PWWP3A: variants seen among roughly 807,000 people sequenced by gnomAD.
PWWP3A encodes the protein PWWP domain containing 3A, DNA repair factor.
In PWWP3A, 53 loss-of-function variants were observed where a neutral mutation model predicts 79.0. The observed-to-expected ratio is 0.67, with a 90% confidence interval of 0.54 to 0.84. PWWP3A has a LOEUF of 0.84. Ranked by LOEUF, PWWP3A falls within the 40% of genes least tolerant of loss-of-function variation. PWWP3A has a pLI of 0.00. For missense variants in PWWP3A, 973 were observed against 948.0 expected, an observed-to-expected ratio of 1.03 and a Z score of -0.35; for synonymous variants, 443 against 394.4, an observed-to-expected ratio of 1.12 and a Z score of -1.46.
chr19:1,366,006 C>T lies in PWWP3A; in HGVS notation c.1285-299C>T, dbSNP rs186470162. On this transcript the variant is annotated intron_variant, in intron 7 of 13. Coordinates refer to ENST00000591337, the MANE Select transcript of PWWP3A (RefSeq NM_001369789.1). The stretch of plus-strand genomic sequence containing the variant: ...GGAGGACAAACCTGCCCTGCTGAGC[C>T]GCTGGAGAATCTCAGGACGCTTATT... Among the ~76,000 whole-genome samples the T allele has an allele frequency of 1.7e-3, 255 of 152,360 alleles. 1 individual carries two copies. The highest frequency in any genetic ancestry group is 0.016 in the Admixed American group (241 of 15,314).
At position 1,369,229 on chromosome 19, in the gene PWWP3A, C is replaced by T. The variant is rs774411828; in HGVS notation, c.1423-36C>T. On this transcript the variant is annotated intron_variant, in intron 9 of 13. Coordinates refer to ENST00000591337, the MANE Select transcript of PWWP3A (RefSeq NM_001369789.1). This position sits in a 1 kb window ranked among gnomAD's most constrained non-coding sequence, Gnocchi z 4.0. Reference sequence around the variant, plus strand: ...CTGAACCCAGGGTGCTTGGCACTGCCTCCCACTGACGCCTGCTGCCCGGAT... The same window carrying T: ...CTGAACCCAGGGTGCTTGGCACTGCTTCCCACTGACGCCTGCTGCCCGGAT... 1.9e-6 allele frequency: 3 copies of T among 1,608,178 alleles called. No individual in the cohort carries two copies. Among genetic ancestry groups the T allele is most frequent in the African/African-American group, 1.3e-5 (1 of 74,934 alleles).
In PWWP3A at chr19:1,370,967, G is replaced by A. The variant is rs144465563; in HGVS notation, c.1875G>A (p.Leu625=). 484 of 1,561,164 alleles carry A rather than the reference G, an allele frequency of 3.1e-4. 1 individual carries two copies. In the African/African-American group the frequency reaches 6.2e-3, roughly 20 times the overall value. The change falls in exon 12 of 14, where the codon CTG becomes CTA. Residue 625 remains leucine, a synonymous_variant. Transcript: ENST00000591337. The part of the protein sequence containing the change: ...VETYLEDEGQ[L]DLVVKYLQGV... ...CCTACCTGGAGGATGAGGGGCAGCT[G>A]GACCTGGTGGTGAAGTACCTGCAGG...
chr19:1,373,343 C>T (rs972297523), intron 13 of PWWP3A, 183 bp downstream of exon 13: 2 of 603,538 alleles, frequency 3.3e-6, no homozygotes, highest in African/African-American at 3.7e-5. Flanking sequence ...TCCTGCCCCC[C>T]AGGAAGGCTG....
rs977340145 is a variant in PWWP3A at position 1,368,218 on chromosome 19, C to T, written c.1422+998C>T. Among the ~76,000 whole-genome samples, 1 of 152,092 alleles carries T rather than the reference C, an allele frequency of 6.6e-6. No individual in the cohort carries two copies. The highest frequency in any genetic ancestry group is 2.4e-5 in the African/African-American group (1 of 41,418). ...GATTACAGGTGTGAGCCACTGCGCC[C>T]GGCTGGAACTGAGTTACTTTCTAAA... is the stretch of plus-strand genomic sequence containing the variant. On this transcript the variant is annotated intron_variant, in intron 9 of 13. Coordinates refer to ENST00000591337, the MANE Select transcript of PWWP3A (RefSeq NM_001369789.1). This position sits in a 1 kb window ranked among gnomAD's most constrained non-coding sequence, Gnocchi z 4.7.
intron 7 of PWWP3A, among the ~76,000 whole-genome samples, chr19:1,365,652 C>T (rs1182599155): frequency 1.3e-5 from 2 of 152,250 alleles, no homozygotes; most frequent in Admixed American, 6.5e-5. Flanking sequence ...ACCCTCCGCC[C>T]TCCCTTGGCA....
chr19:1,355,229 T>G (rs1046555714), intron 1 of PWWP3A, 94 bp downstream of exon 1: 2 of 151,776 alleles, frequency 1.3e-5, no homozygotes, highest in African/African-American at 4.8e-5. Context: ...GCCTAGAGAC[T>G]CCTCCGGGAG....
rs1306271176 is a variant in PWWP3A, at chr19:1,376,611, C to G, written c.*35C>G. The G allele has an allele frequency of 1.2e-6, 2 of 1,609,960 alleles. No individual in the cohort carries two copies. Among genetic ancestry groups the G allele is most frequent in the East Asian group, 2.2e-5 (1 of 44,828 alleles). ...CGGCTGTGCTGTCAGCGGGGCCTGG[C>G]GGTGGAAGCGCCTCCAGTGTGCATG... On this transcript the variant is annotated 3_prime_UTR_variant, in exon 14 of 14. Coordinates refer to ENST00000591337, the MANE Select transcript of PWWP3A (RefSeq NM_001369789.1).
intron 7 of PWWP3A, among the ~76,000 whole-genome samples, chr19:1,365,203 T>A (rs1014410837): frequency 4.3e-4 from 66 of 152,206 alleles, no homozygotes; most frequent in African/African-American, 1.6e-3. Context: ...GCTCATTAAT[T>A]TGGATTTTGT....
At chr19:1,359,029 G>A (rs865880295) in intron 4 of PWWP3A, 59 of 295,376 alleles carry the variant, frequency 2.0e-4, no homozygotes, top group Non-Finnish European at 1.6e-4. Context: ...ATCCGGGTGC[G>A]CTTTCTCCCA....
At chr19:1,375,529 T>TTATTATATATACAA (rs1568965190) in intron 13 of PWWP3A, among the ~76,000 whole-genome samples, 24 of 113,470 alleles carry the variant, frequency 2.1e-4, no homozygotes, top group Non-Finnish European at 3.7e-4. Context: ...ATCATATAAT[T>TTATTATATATACAA]TATATATTTT....
intron 13 of PWWP3A, among the ~76,000 whole-genome samples, chr19:1,376,085 AGGCGT>A (rs1457059862): frequency 8.1e-5 from 12 of 147,780 alleles, no homozygotes; most frequent in Non-Finnish European, 1.2e-4. Context: ...CTGGGATTAC[AGGCGT>A]GAGCCAAAGT....
chr19:1,370,761 C>G lies in PWWP3A; in HGVS notation c.1669C>G (p.Arg557Gly). The change falls in exon 12 of 14, where the codon CGG becomes GGG. Residue 557 changes from arginine to glycine, a missense_variant. Transcript: ENST00000591337. ...GCPLGQRQPCRKMLPDRSRAA... is the reference protein window; with the variant it reads ...GCPLGQRQPCGKMLPDRSRAA... Reference sequence around the variant, plus strand: ...CCCCCTGGGGCAGAGGCAGCCCTGCCGGAAAATGCTCCCCGACCGCTCGCG... The same window carrying G: ...CCCCCTGGGGCAGAGGCAGCCCTGCGGGAAAATGCTCCCCGACCGCTCGCG... 6.6e-7 allele frequency: 1 copy of G among 1,508,616 alleles called. No individual in the cohort carries two copies. Among genetic ancestry groups the G allele is most frequent in the Non-Finnish European group, 8.9e-7 (1 of 1,124,100 alleles). 93.5% of individuals were successfully genotyped at this position (1,508,616 alleles called of 1,614,324 possible).
chr19:1,357,384 A>AAATAGGGAT (rs528899283), intron 3 of PWWP3A: 246 of 224,862 alleles, frequency 1.1e-3, no homozygotes, highest in African/African-American at 5.3e-3. Context: ...TTTGTGGTTA[A>AAATAGGGAT]AATAGGGATA....
chr19:1,358,363 G>C (rs775693105), intron 3 of PWWP3A, 31 bp from the exon 4 acceptor site: 33 of 1,588,086 alleles, frequency 2.1e-5, no homozygotes, highest in Non-Finnish European at 2.8e-5. Context: ...GCGTTGGCTG[G>C]TGGTGTGTAA....
At chr19:1,356,733 G>A (rs986941926) in intron 2 of PWWP3A, among the ~76,000 whole-genome samples, 7 of 151,904 alleles carry the variant, frequency 4.6e-5, no homozygotes, top group Non-Finnish European at 8.8e-5. Flanking sequence ...GCAGCCCTGT[G>A]ATAGTAAATT....
intron 1 of PWWP3A, 77 bp from the exon 2 acceptor site, chr19:1,356,247 T>A: frequency 4.2e-6 from 3 of 721,128 alleles, no homozygotes; most frequent in Non-Finnish European, 7.3e-6. Context: ...CGAGCTAACC[T>A]TTGCCCCTGA....
At chr19:1,365,823 C>T (rs2668416) in intron 7 of PWWP3A, among the ~76,000 whole-genome samples, 4,117 of 152,352 alleles carry the variant, frequency 0.027, 198 homozygotes, top group African/African-American at 0.094. Flanking sequence ...AGGCGCTGGT[C>T]GCCACTGCTC....
intron 5 of PWWP3A, chr19:1,361,972 T>A (rs1321774725): frequency 1.6e-5 from 5 of 321,436 alleles, no homozygotes; most frequent in Non-Finnish European, 1.8e-5. Flanking sequence ...TGCGCGCAGC[T>A]TCTGTGGCCG....
rs2081990342 is a variant in PWWP3A, at chr19:1,360,628, A to G, written c.707A>G (p.Glu236Gly). The change falls in exon 5 of 14, where the codon GAG (glutamate) becomes GGG (glycine). Residue 236 changes from glutamate to glycine, a missense_variant. Physicochemically the swap from Glu to Gly is moderately conservative, Grantham distance 98. Transcript: ENST00000591337. The surrounding 1 kb of genome is among the most constrained non-coding windows in gnomAD (Gnocchi z 4.4). ...TGCCTGAATGGATCTTCCCTTTCAGAGGACGACACGGAGAGAGACATGGGG... is the reference window on the plus strand; with the variant it reads ...TGCCTGAATGGATCTTCCCTTTCAGGGGACGACACGGAGAGAGACATGGGG... ...SLCLNGSSLS[E>G]DDTERDMGSK... The G allele has an allele frequency of 6.2e-7, 1 of 1,613,740 alleles. No homozygotes were observed. Among genetic ancestry groups the G allele is most frequent in the Admixed American group, 1.7e-5 (1 of 59,986 alleles).
Sources: allele counts gnomAD v4.1 joint callset (sites outside exome capture counted in the v4.1 genomes callset), GRCh38; gene constraint gnomAD v4.1.1; non-coding constraint Gnocchi (gnomAD v3.1); transcripts MANE v1.5; gene names NCBI Gene and HGNC (gene_info 2026-07-23, HGNC 2026-07-21).